ZNF534: variants seen among roughly 807,000 people sequenced by gnomAD.
ZNF534 encodes zinc finger protein 534, also known as KRAB domain only 3.
In ZNF534, 19 loss-of-function variants were observed where a neutral mutation model predicts 13.6. The observed-to-expected ratio is 1.40, with a 90% confidence interval of 0.97 to 2.05. ZNF534 has a LOEUF of 2.05. Ranked by LOEUF, ZNF534 falls within the 30% of genes most tolerant of loss-of-function variation. The pLI is 0.00. For missense variants in ZNF534, 782 were observed against 796.3 expected, an observed-to-expected ratio of 0.98 and a Z score of 0.22; for synonymous variants, 244 against 273.8, an observed-to-expected ratio of 0.89 and a Z score of 1.07.
At position 52,441,335 on chromosome 19, in the gene ZNF534, G is replaced by A. The variant is rs992629556; in HGVS notation, c.*1889G>A. On this transcript the variant is annotated 3_prime_UTR_variant, in exon 5 of 5. Coordinates refer to ENST00000433050, the MANE Select transcript of ZNF534 (RefSeq NM_001143938.3). ...TTTGAGACCAACCTGGGTAACATAAGGACAACTCCATCTCTACAAATAATA... is the reference window on the plus strand; with the variant it reads ...TTTGAGACCAACCTGGGTAACATAAAGACAACTCCATCTCTACAAATAATA... 2.6e-5 allele frequency among the ~76,000 whole-genome samples: 4 copies of A among 152,148 alleles called. No individual in the cohort carries two copies. Among genetic ancestry groups the A allele is most frequent in the Non-Finnish European group, 5.9e-5 (4 of 68,010 alleles).
intron 4 of ZNF534, 50 bp from the exon 5 acceptor site, chr19:52,437,682 T>C (rs773331860): frequency 9.4e-6 from 14 of 1,492,120 alleles, no homozygotes; most frequent in Non-Finnish European, 1.3e-5. Flanking sequence ...TGTCAGACTT[T>C]AAACATGCCA....
chr19:52,438,352 T>C lies in ZNF534; in HGVS notation c.892T>C (p.Tyr298His), dbSNP rs766569940. The stretch of plus-strand genomic sequence containing the variant: ...GAAAATTCATACTGGAGAGAAGCCT[T>C]ACAAATGTAGTGAATGTGGCAAAGC... ...HRKIHTGEKPYKCSECGKAFS... is the reference protein window; with the variant it reads ...HRKIHTGEKPHKCSECGKAFS... The change falls in exon 5 of 5, where the codon TAC (tyrosine) becomes CAC (histidine). Residue 298 changes from tyrosine to histidine, a missense_variant. Coordinates refer to ENST00000433050, the MANE Select transcript of ZNF534 (RefSeq NM_001143938.3). 1 of 1,613,304 alleles carries C rather than the reference T, an allele frequency of 6.2e-7. No homozygotes were observed. The highest frequency in any genetic ancestry group is 1.3e-5 in the African/African-American group (1 of 74,916).
chr19:52,445,677 A>G (rs1401387127), downstream of ZNF534, among the ~76,000 whole-genome samples: 4 of 152,216 alleles, frequency 2.6e-5, no homozygotes, highest in Non-Finnish European at 4.4e-5. Flanking sequence ...AAGAGCAACC[A>G]ACTTCCTTCA....
Position 52,439,305 on chromosome 19 carries a change from C to A in ZNF534, c.1845C>A (p.Phe615Leu), listed in dbSNP as rs769306595. The change falls in exon 5 of 5, where the codon TTC becomes TTA. Residue 615 changes from phenylalanine (F) to leucine (L), a missense_variant. This residue lies in a region of ZNF534 where 60 missense variants were observed against 59.9 expected (regional missense o/e 1.00). Transcript: ENST00000433050. Reference sequence around the variant, plus strand: ...AATGTAATGAATGTAGCAAGGTCTTCAGTCGGAATTCACGCCTTGCACAAC... The same window carrying A: ...AATGTAATGAATGTAGCAAGGTCTTAAGTCGGAATTCACGCCTTGCACAAC... The part of the protein sequence containing the change: ...LYKCNECSKV[F>L]SRNSRLAQHR... The A allele has an allele frequency of 3.2e-6, 5 of 1,559,284 alleles. No individual in the cohort carries two copies. Among genetic ancestry groups the A allele is most frequent in the Non-Finnish European group, 4.3e-6 (5 of 1,151,440 alleles).
chr19:52,434,464 C>CAAAAAA (rs528136970), intron 3 of ZNF534, among the ~76,000 whole-genome samples: 17 of 63,102 alleles, frequency 2.7e-4, no homozygotes, highest in African/African-American at 6.4e-4. Flanking sequence ...GACTCCGTCT[C>CAAAAAA]AAAAAAAAAA....
At position 52,440,000 on chromosome 19, in the gene ZNF534, A is replaced by G. The variant is rs2608500; in HGVS notation, c.*554A>G. Among the ~76,000 whole-genome samples, 135,387 of 152,036 alleles carry G rather than the reference A, an allele frequency of 0.89. 60,948 individuals are homozygous for G. Among genetic ancestry groups the G allele is most frequent in the Non-Finnish European group, 0.96 (65,541 of 68,002 alleles). On this transcript the variant is annotated 3_prime_UTR_variant, in exon 5 of 5. Transcript: ENST00000433050. ...GGAGAATTGCTTGAACCTGGGAGGC[A>G]GAGGTTGTGATGAGCCGAGATTGCA...
intron 2 of ZNF534, among the ~76,000 whole-genome samples, 162 bp downstream of exon 2, chr19:52,431,651 T>C (rs1224182660): frequency 9.2e-5 from 14 of 152,148 alleles, no homozygotes; most frequent in Non-Finnish European, 7.4e-5. Flanking sequence ...AAGATTCCAG[T>C]TCCCTATGAC....
rs1336077178 is a variant in ZNF534, at chr19:52,435,202, G to C, written c.264G>C (p.Val88=). 2 of 1,610,790 alleles carry C rather than the reference G, an allele frequency of 1.2e-6. No individual in the cohort carries two copies. The highest frequency in any genetic ancestry group is 1.7e-6 in the Non-Finnish European group (2 of 1,178,510). ...NPDGRECIKG[V]NTEKSSKLGS... Reference sequence around the variant, plus strand: ...ATGGCAGGGAGTGCATCAAAGGTGTGAACACAGGTGAGAGCTCAGGTGGGC... The same window carrying C: ...ATGGCAGGGAGTGCATCAAAGGTGTCAACACAGGTGAGAGCTCAGGTGGGC... Residue 88 remains valine, a synonymous_variant, in exon 4 of 5, where the codon GTG becomes GTC. Transcript: ENST00000433050.
In ZNF534 at chr19:52,438,494, A is replaced by G. The variant is rs2059145529; in HGVS notation, c.1034A>G (p.Gln345Arg). 6.3e-7 allele frequency: 1 copy of G among 1,591,668 alleles called. No individual in the cohort carries two copies. Among genetic ancestry groups the G allele is most frequent in the Non-Finnish European group, 8.6e-7 (1 of 1,168,700 alleles). The change falls in exon 5 of 5, where the codon CAG (glutamine) becomes CGG (arginine). Residue 345 changes from glutamine to arginine, a missense_variant. Gln to Arg is a conservative substitution (Grantham distance 43). This residue lies in a region of ZNF534 where 591 missense variants were observed against 574.0 expected (regional missense o/e 1.03). Coordinates refer to ENST00000433050, the MANE Select transcript of ZNF534 (RefSeq NM_001143938.3). Reference protein sequence around the residue: ...FRHKSSLTTHQTVHTGERPYK... With the variant: ...FRHKSSLTTHRTVHTGERPYK... ...CATAAGTCTTCCCTAACCACTCATC[A>G]GACAGTTCATACTGGAGAGAGACCA...
At chr19:52,431,976 TGTAA>T (rs2059090460) in intron 2 of ZNF534, among the ~76,000 whole-genome samples, 1 of 151,940 alleles carries the variant, frequency 6.6e-6, no homozygotes, top group Admixed American at 6.6e-5. Flanking sequence ...TATATATATG[TGTAA>T]GTGTGTACAT....
chr19:52,434,736 AAAAAAAAAAG>A (rs1399258611), intron 3 of ZNF534, among the ~76,000 whole-genome samples: 8 of 151,324 alleles, frequency 5.3e-5, no homozygotes, highest in Non-Finnish European at 1.2e-4. Context: ...GTCTCAAAAA[AAAAAAAAAAG>A]AAAGAAATGT....
At chr19:52,442,872 AATG>A (rs1306364078), downstream of ZNF534, among the ~76,000 whole-genome samples, 1 of 152,218 alleles carries the variant, frequency 6.6e-6, no homozygotes, top group East Asian at 1.9e-4. Context: ...AATAACATAA[AATG>A]ATGACTGCTT....
downstream of ZNF534, among the ~76,000 whole-genome samples, chr19:52,446,127 T>G (rs1021212416): frequency 1.3e-5 from 2 of 152,206 alleles, no homozygotes; most frequent in African/African-American, 4.8e-5. Flanking sequence ...GTGCTTGCTC[T>G]CTTCAGGTGC....
chr19:52,439,790 C>G lies in ZNF534; in HGVS notation c.*344C>G, dbSNP rs2122704312. ...AAAAAAAAAAAATGAGTGAAGCTGC[C>G]AAGCATGGTGGCTCACGCCTTTAAT... On this transcript the variant is annotated 3_prime_UTR_variant, in exon 5 of 5. Coordinates refer to ENST00000433050, the MANE Select transcript of ZNF534 (RefSeq NM_001143938.3). Among the ~76,000 whole-genome samples the G allele has an allele frequency of 6.6e-6, 1 of 150,432 alleles. No homozygotes were observed. The highest frequency in any genetic ancestry group is 2.0e-4 in the East Asian group (1 of 5,080).
downstream of ZNF534, among the ~76,000 whole-genome samples, chr19:52,443,382 G>A (rs1470793178): frequency 6.6e-6 from 1 of 152,100 alleles, no homozygotes; most frequent in African/African-American, 2.4e-5. Flanking sequence ...TCTTCCTCAG[G>A]AATGCCAATT....
chr19:52,432,737 A>T (rs1330765356), intron 2 of ZNF534, among the ~76,000 whole-genome samples: 1 of 151,922 alleles, frequency 6.6e-6, no homozygotes, highest in Non-Finnish European at 1.5e-5. Flanking sequence ...GCTTCAAGCC[A>T]TTCTCCTGCC....
intron 4 of ZNF534, among the ~76,000 whole-genome samples, chr19:52,450,696 TG>T (rs1164072682): frequency 0.14 from 4,138 of 30,396 alleles, 988 homozygotes; most frequent in Non-Finnish European, 0.22. Context: ...TTTTTGTTTT[TG>T]TTTTTTTTTT....
intron 4 of ZNF534, among the ~76,000 whole-genome samples, chr19:52,450,739 T>G (rs1291687067): frequency 7.1e-6 from 1 of 141,080 alleles, no homozygotes; most frequent in Admixed American, 7.7e-5. Flanking sequence ...CAGGTTGGAG[T>G]GCAGTAGTGC....
chr19:52,440,280 C>T lies in ZNF534; in HGVS notation c.*834C>T, dbSNP rs575590006. ...CTGGTGATTGACTTTAAACATATAACAAGTGTGGCAACGTATTCACTTAAA... is the reference window on the plus strand; with the variant it reads ...CTGGTGATTGACTTTAAACATATAATAAGTGTGGCAACGTATTCACTTAAA... On this transcript the variant is annotated 3_prime_UTR_variant, in exon 5 of 5. Transcript: ENST00000433050. Among the ~76,000 whole-genome samples the T allele has an allele frequency of 5.9e-5, 9 of 152,156 alleles. No individual in the cohort carries two copies. Among genetic ancestry groups the T allele is most frequent in the Non-Finnish European group, 1.2e-4 (8 of 68,042 alleles).
Sources: allele counts gnomAD v4.1 joint callset (sites outside exome capture counted in the v4.1 genomes callset), GRCh38; gene constraint gnomAD v4.1.1; regional missense constraint gnomAD v4.1.1; transcripts MANE v1.5; gene names NCBI Gene and HGNC (gene_info 2026-07-23, HGNC 2026-07-21).